Variants in IRX2 observed in about 807,000 individuals in gnomAD.
IRX2 encodes the protein iroquois homeobox 2, also known as iroquois-class homeodomain protein IRX-2.
In IRX2, 26 loss-of-function variants were observed where a neutral mutation model predicts 42.9. That is an observed-to-expected ratio of 0.61 (90% CI 0.44 to 0.84). The LOEUF is 0.84. Among genes scored for constraint, IRX2 ranks in the 40% least tolerant of loss-of-function variants. The pLI, the probability that IRX2 is intolerant of heterozygous loss-of-function variation, is 0.00. For missense variants in IRX2, 782 were observed against 713.9 expected, an observed-to-expected ratio of 1.10 and a Z score of -1.09; for synonymous variants, 424 against 353.9, an observed-to-expected ratio of 1.20 and a Z score of -2.22.
At chr5:2,748,313 C>G (rs111879512) in intron 3 of IRX2, 32 bp downstream of exon 3, 151,788 of 1,377,820 alleles carry the variant, frequency 0.11, 8,694 homozygotes, top group African/African-American at 0.18. Flanking sequence ...TCTCCCTCCC[C>G]TCCCGGGCGC....
chr5:2,741,080 G>T (rs1303355050), downstream of IRX2, among the ~76,000 whole-genome samples: 1 of 152,240 alleles, frequency 6.6e-6, no homozygotes, highest in Non-Finnish European at 1.5e-5. Flanking sequence ...GGGCGAACAC[G>T]CAGCGCCCTT....
At chr5:2,743,566 G>A (rs1022992873), downstream of IRX2, among the ~76,000 whole-genome samples, 12 of 152,222 alleles carry the variant, frequency 7.9e-5, no homozygotes, top group African/African-American at 4.8e-5. Context: ...GCCTGCACCC[G>A]CAGCAAAGCC....
Position 2,751,386 on chromosome 5 carries a change from G to T in IRX2, c.28C>A (p.Gln10Lys). The T allele has an allele frequency of 7.1e-7, 1 of 1,417,458 alleles. No homozygotes were observed. Among genetic ancestry groups the T allele is most frequent in the Non-Finnish European group, 9.2e-7 (1 of 1,084,314 alleles). The allele number at this position is 1,417,458 out of a possible 1,614,324, so 87.8% of individuals were successfully genotyped here. ...TAGAGCGCCAGCGAGCCGGGCGCCT[G>T]GTACAGGTAGCCCTGCGGGTAGGAC... MSYPQGYLY[Q>K]APGSLALYSC... The change falls in exon 1 of 4, where the codon CAG becomes AAG. Residue 10 changes from glutamine (Q) to lysine (K), a missense_variant. Around this residue, in one of 3 missense-constraint regions of IRX2, gnomAD observed 256 missense variants for 250.0 expected, o/e 1.02. Transcript: ENST00000302057. The surrounding 1 kb of genome is among the most constrained non-coding windows in gnomAD (Gnocchi z 4.0).
At chr5:2,750,875 G>A (rs568792623) in intron 1 of IRX2, among the ~76,000 whole-genome samples, 1 of 152,282 alleles carries the variant, frequency 6.6e-6, no homozygotes, top group South Asian at 2.1e-4. Flanking sequence ...CGGCCCCGGC[G>A]GAGACGCACT....
At chr5:2,749,083 G>C (rs775173646) in intron 2 of IRX2, 31 bp from the exon 3 acceptor site, 9 of 1,588,942 alleles carry the variant, frequency 5.7e-6, no homozygotes, top group Non-Finnish European at 8.5e-7. Context: ...TGGGTGGCAC[G>C]AGGGGACAGC....
the IRX2 span, among the ~76,000 whole-genome samples, chr5:2,738,610 A>G: frequency 1.3e-5 from 2 of 152,036 alleles, no homozygotes; most frequent in African/African-American, 4.8e-5. Context: ...AGGGCTGTAC[A>G]GTGACCCCGA....
Position 2,748,406 on chromosome 5 carries a change from C to A in IRX2, c.1302G>T (p.Ala434=). ...AGTGGGACTCGAGCGGGTGCGCGCCCGCCTTGCCCGCGTCGCTGGCCGCCT... is the reference window on the plus strand; with the variant it reads ...AGTGGGACTCGAGCGGGTGCGCGCCAGCCTTGCCCGCGTCGCTGGCCGCCT... ...APKAASDAGK[A]GAHPLESHYR... is the part of the protein sequence containing the mutation. The change falls in exon 3 of 4, where the codon GCG becomes GCT. Residue 434 remains alanine, a synonymous_variant. Coordinates refer to ENST00000302057, the MANE Select transcript of IRX2 (RefSeq NM_033267.5). The A allele has an allele frequency of 6.7e-7, 1 of 1,491,854 alleles. No individual in the cohort carries two copies. Among genetic ancestry groups the A allele is most frequent in the Non-Finnish European group, 8.9e-7 (1 of 1,125,422 alleles). The allele number at this position is 1,491,854 out of a possible 1,614,324, so 92.4% of individuals were successfully genotyped here. A position where few individuals can be genotyped will look rare whatever the true frequency, so the allele number is the denominator to read the frequency against.
At chr5:2,742,549 C>T (rs548381380), downstream of IRX2, among the ~76,000 whole-genome samples, 11 of 152,070 alleles carry the variant, frequency 7.2e-5, no homozygotes, top group East Asian at 2.1e-3. Context: ...TCGGTTAACG[C>T]TTTCAAAAAA....
intron 2 of IRX2, 84 bp downstream of exon 2, chr5:2,749,298 G>T: frequency 6.6e-7 from 1 of 1,507,956 alleles, no homozygotes; most frequent in East Asian, 2.3e-5. Flanking sequence ...GGTGTCCGGC[G>T]GGCAACGTCC....
rs1428083869 is a variant in IRX2 at position 2,751,522 on chromosome 5, G to A, written c.-109C>T. ...CGGCGCGGCGGCGGGCACCCGGACG[G>A]CCGGCGGAGGCAGGCCGGCCCGGGT... On this transcript the variant is annotated 5_prime_UTR_variant, in exon 1 of 4. Coordinates refer to ENST00000302057, the MANE Select transcript of IRX2 (RefSeq NM_033267.5). The surrounding 1 kb of genome is among the most constrained non-coding windows in gnomAD (Gnocchi z 4.0). 1.3e-6 allele frequency: 1 copy of A among 772,792 alleles called. No individual in the cohort carries two copies. The highest frequency in any genetic ancestry group is 1.6e-6 in the Non-Finnish European group (1 of 639,738). 47.9% of individuals were successfully genotyped at this position (772,792 alleles called of 1,614,324 possible).
the IRX2 span, among the ~76,000 whole-genome samples, chr5:2,738,000 C>T: frequency 2.0e-5 from 3 of 152,246 alleles, no homozygotes; most frequent in Admixed American, 2.0e-4. Context: ...TCCTCCCACT[C>T]CTCCCGGCCT....
the IRX2 span, among the ~76,000 whole-genome samples, chr5:2,739,970 G>C: frequency 6.6e-6 from 1 of 152,218 alleles, no homozygotes; most frequent in Non-Finnish European, 1.5e-5. Flanking sequence ...GGTGCCAGGA[G>C]CGGGGCCTCC....
rs1267879203 is a variant in IRX2, at chr5:2,747,302, C to T, written c.*262G>A. 4.5e-5 allele frequency: 11 copies of T among 246,698 alleles called. No individual in the cohort carries two copies. 15.3% of individuals were successfully genotyped at this position (246,698 alleles called of 1,614,324 possible). ...CATATATATATTACACACACACACA[C>T]ACACATATATATATATATTTTTTTT... On this transcript the variant is annotated 3_prime_UTR_variant, in exon 4 of 4. Transcript: ENST00000302057.
At chr5:2,745,044 T>C (rs931568783), downstream of IRX2, among the ~76,000 whole-genome samples, 2 of 152,194 alleles carry the variant, frequency 1.3e-5, no homozygotes, top group East Asian at 3.9e-4. Context: ...TATCAACTGG[T>C]CCAGCAATTT....
chr5:2,745,720 A>C (rs1240124951), downstream of IRX2: 1 of 152,190 alleles, frequency 6.6e-6, no homozygotes, highest in Admixed American at 6.5e-5. Context: ...CCTTTAAAAA[A>C]AACAATTATT....
chr5:2,738,783 G>A, the IRX2 span, among the ~76,000 whole-genome samples: 61 of 152,296 alleles, frequency 4.0e-4, no homozygotes, highest in African/African-American at 1.3e-3. Flanking sequence ...GAGGCCAGGT[G>A]TGTGGCTCCA....
chr5:2,741,104 C>G (rs1035296685), downstream of IRX2, among the ~76,000 whole-genome samples: 1 of 152,244 alleles, frequency 6.6e-6, no homozygotes, highest in Non-Finnish European at 1.5e-5. Flanking sequence ...GGCCTCAGGC[C>G]GAGCCGGACC....
At chr5:2,742,241 T>A (rs1737559846), downstream of IRX2, among the ~76,000 whole-genome samples, 1 of 152,292 alleles carries the variant, frequency 6.6e-6, no homozygotes, top group Non-Finnish European at 1.5e-5. Flanking sequence ...GAGGTCCAAG[T>A]GCATATTGTT....
chr5:2,741,533 T>A (rs1737538847), downstream of IRX2, among the ~76,000 whole-genome samples: 1 of 152,178 alleles, frequency 6.6e-6, no homozygotes, highest in Non-Finnish European at 1.5e-5. Context: ...TTCTTTGAAT[T>A]TATTACTCAA....
Sources: gnomAD v4.1 joint callset for allele counts (sites outside exome capture counted in the v4.1 genomes callset) on GRCh38, gnomAD v4.1.1 for gene constraint, gnomAD v4.1.1 regional missense constraint, Gnocchi (gnomAD v3.1) non-coding constraint, MANE v1.5 for transcripts, NCBI Gene and HGNC (gene_info 2026-07-23, HGNC 2026-07-21) for gene names.